Variants in MAP4K5 observed in about 807,000 individuals in gnomAD.
MAP4K5 encodes the protein MAPK/ERK kinase kinase kinase 5.
A neutral mutation model predicts 135.6 loss-of-function variants in MAP4K5; 82 were observed. The observed-to-expected ratio is 0.60, with a 90% CI of 0.51 to 0.73. The LOEUF is 0.73. Ranked by LOEUF, MAP4K5 falls within the 30% of genes least tolerant of loss-of-function variation. MAP4K5 has a pLI of 0.00. For synonymous variants in MAP4K5, 347 were observed against 335.0 expected (o/e 1.04, Z -0.39); for missense variants, 907 against 1,010.9 (o/e 0.90, Z 1.39).
intron 2 of MAP4K5, among the ~76,000 whole-genome samples, chr14:50,518,831 A>G (rs2038088017): frequency 6.6e-6 from 1 of 152,220 alleles, no homozygotes; most frequent in African/African-American, 2.4e-5. Context: ...GGAGGTCTTA[A>G]TGGCAAAGGA....
intron 30 of MAP4K5, among the ~76,000 whole-genome samples, chr14:50,426,747 T>C (rs1451668179): frequency 6.6e-6 from 1 of 152,064 alleles, no homozygotes; most frequent in East Asian, 1.9e-4. Context: ...AAATAAAAAA[T>C]AAAATAAAAT....
rs12881869 is a variant in MAP4K5 at position 50,456,531 on chromosome 14, C to T, written c.1000G>A (p.Ala334Thr). The change falls in exon 14 of 33, where the codon GCT becomes ACT. Residue 334 changes from alanine to threonine, a missense_variant. By Grantham distance (58) the Ala-to-Thr change is moderately conservative. Coordinates refer to ENST00000682126, the MANE Select transcript of MAP4K5 (RefSeq NM_006575.6). ...AAACACATACAATTTATTTCTGAAGCTGTCCGTTCAGCTCTGGCATTCCTG... is the reference window on the plus strand; with the variant it reads ...AAACACATACAATTTATTTCTGAAGTTGTCCGTTCAGCTCTGGCATTCCTG... ...TNRNARAERT[A>T]SEINFDKLQF... is the part of the protein sequence containing the mutation. 0.06 allele frequency: 94,598 copies of T among 1,573,502 alleles called. 3,310 individuals are homozygous for T. The highest frequency in any genetic ancestry group is 0.07 in the Non-Finnish European group (80,488 of 1,157,108).
At position 50,524,692 on chromosome 14, in the gene MAP4K5, T is replaced by C. The variant is rs139395895; in HGVS notation, c.108+7250A>G. On this transcript the variant is annotated intron_variant, in intron 2 of 32. Coordinates refer to ENST00000682126, the MANE Select transcript of MAP4K5 (RefSeq NM_006575.6). ...GAAGAGAAAGAGTGTTCTAAAGGAA[T>C]ACCTGCAAAAATCTGAAAGACAGAG... Among the ~76,000 whole-genome samples the C allele has an allele frequency of 4.1e-4, 62 of 151,552 alleles. 1 individual carries two copies. In the East Asian group the frequency reaches 9.8e-3, roughly 24 times the overall value.
chr14:50,542,507 C>G (rs2038578545), exon 2 of MAP4K5: 1 of 152,106 alleles, frequency 6.6e-6, no homozygotes, highest in Non-Finnish European at 1.5e-5. Context: ...ACCTAATTTA[C>G]TGGATCGTAA....
At chr14:50,461,896 C>A (rs12890895) in intron 13 of MAP4K5, among the ~76,000 whole-genome samples, 2 of 150,214 alleles carry the variant, frequency 1.3e-5, no homozygotes, top group South Asian at 2.1e-4. Context: ...TCCAACCTGG[C>A]GACAGAGCGA....
At chr14:50,453,126 A>G (rs549321144) in intron 14 of MAP4K5, among the ~76,000 whole-genome samples, 3 of 152,218 alleles carry the variant, frequency 2.0e-5, no homozygotes, top group South Asian at 4.1e-4. Flanking sequence ...TTTACTTGTG[A>G]GTCAGCTAAA....
rs370954375 is a variant in MAP4K5 at position 50,440,014 on chromosome 14, T to A, written c.1704A>T (p.Ser568=). Residue 568 remains serine (S), a splice_region_variant and synonymous_variant, in exon 23 of 33, where the codon TCA becomes TCT. Coordinates refer to ENST00000682126, the MANE Select transcript of MAP4K5 (RefSeq NM_006575.6). The part of the protein sequence containing the change: ...YVINNTLMSL[S]EGKTFQLYSH... Reference sequence around the variant, plus strand: ...TATTTTTCATCATCACATACATACCTGATAATGACATTAAAGTATTATTGA... The same window carrying A: ...TATTTTTCATCATCACATACATACCAGATAATGACATTAAAGTATTATTGA... 1.9e-6 allele frequency: 3 copies of A among 1,545,828 alleles called. No individual in the cohort carries two copies. The highest frequency in any genetic ancestry group is 2.6e-6 in the Non-Finnish European group (3 of 1,134,912).
rs1303004453 is a variant in MAP4K5, at chr14:50,423,115, T to C, written c.2453+6A>G. On this transcript the variant is annotated splice_donor_region_variant and intron_variant, in intron 32 of 32. Coordinates refer to ENST00000682126, the MANE Select transcript of MAP4K5 (RefSeq NM_006575.6). ...GGTAATTAAATTAATACAACCAAAC[T>C]ATTACCTGTCTGATCCTAATAAGCG... 1 of 1,482,412 alleles carries C rather than the reference T, an allele frequency of 6.7e-7. No homozygotes were observed. The highest frequency in any genetic ancestry group is 1.8e-5 in the Admixed American group (1 of 56,574). The allele number at this position is 1,482,412 out of a possible 1,614,324, so 91.8% of individuals were successfully genotyped here. A position where few individuals can be genotyped will look rare whatever the true frequency, so the allele number is the denominator to read the frequency against.
chr14:50,440,357 A>T lies in MAP4K5; in HGVS notation c.1644+5T>A. 6.4e-7 allele frequency: 1 copy of T among 1,566,564 alleles called. No homozygotes were observed. Among genetic ancestry groups the T allele is most frequent in the Non-Finnish European group, 8.7e-7 (1 of 1,143,254 alleles). On this transcript the variant is annotated splice_donor_5th_base_variant and intron_variant, in intron 22 of 32. Transcript: ENST00000682126. ...TTAATTTCTTGAATTAAAATGCCTAATTACCTGTTCCATCGTTGCCTCATG... is the reference window on the plus strand; with the variant it reads ...TTAATTTCTTGAATTAAAATGCCTATTTACCTGTTCCATCGTTGCCTCATG...
chr14:50,470,675 C>T (rs2139846951), intron 9 of MAP4K5, among the ~76,000 whole-genome samples: 3 of 151,984 alleles, frequency 2.0e-5, no homozygotes, highest in Middle Eastern at 6.8e-3. Context: ...CACACACACA[C>T]ACACACACAC....
At chr14:50,523,225 C>G (rs2131838) in intron 2 of MAP4K5, among the ~76,000 whole-genome samples, 40,576 of 151,974 alleles carry the variant, frequency 0.27, 6,370 homozygotes, top group South Asian at 0.4. Flanking sequence ...GCAGGAGAAT[C>G]GCTTGAACCT....
At chr14:50,463,159 A>G (rs764747024) in intron 12 of MAP4K5, among the ~76,000 whole-genome samples, 1 of 152,226 alleles carries the variant, frequency 6.6e-6, no homozygotes, top group Non-Finnish European at 1.5e-5. Flanking sequence ...TGTATATCAT[A>G]TATCTGCATA....
chr14:50,478,132 A>G (rs538786826), intron 6 of MAP4K5, among the ~76,000 whole-genome samples: 2 of 152,256 alleles, frequency 1.3e-5, no homozygotes, highest in South Asian at 2.1e-4. Context: ...GGTTATTTAT[A>G]ATTGAGTGAG....
intron 28 of MAP4K5, among the ~76,000 whole-genome samples, chr14:50,429,879 TCTG>T (rs1393581015): frequency 1.3e-5 from 2 of 152,202 alleles, no homozygotes; most frequent in Non-Finnish European, 2.9e-5. Context: ...GCTTCTAACA[TCTG>T]CTGATAGATG....
At chr14:50,491,965 G>A (rs1345990858) in intron 3 of MAP4K5, among the ~76,000 whole-genome samples, 1 of 152,062 alleles carries the variant, frequency 6.6e-6, no homozygotes, top group African/African-American at 2.4e-5. Flanking sequence ...AGGATTACAG[G>A]TGTGAGCCAC....
chr14:50,502,615 G>A (rs547426593), intron 3 of MAP4K5, among the ~76,000 whole-genome samples: 4 of 152,012 alleles, frequency 2.6e-5, no homozygotes, highest in African/African-American at 7.2e-5. Context: ...TGATTTTAAA[G>A]TTCTGAAGAA....
rs766577059 is a variant in MAP4K5 at position 50,468,762 on chromosome 14, G to C, written c.563C>G (p.Ala188Gly). 1.2e-6 allele frequency: 2 copies of C among 1,610,932 alleles called. No homozygotes were observed. Among genetic ancestry groups the C allele is most frequent in the Non-Finnish European group, 1.7e-6 (2 of 1,178,370 alleles). The change falls in exon 10 of 33, where the codon GCA becomes GGA. Residue 188 changes from alanine to glycine, a missense_variant. Around this residue, in one of 3 missense-constraint regions of MAP4K5, gnomAD observed 690 missense variants for 777.4 expected, o/e 0.89. Transcript: ENST00000682126. The part of the protein sequence containing the change: ...TPYWMAPEVA[A>G]VEKNGGYNQL... ...GTTGTAGCCACCATTCTTCTCTACT[G>C]CTGCAACTTCTGGGGCCATCCTAGA...
At chr14:50,552,910 A>G (rs897618640) in intron 1 of MAP4K5, among the ~76,000 whole-genome samples, 3 of 152,236 alleles carry the variant, frequency 2.0e-5, no homozygotes, top group African/African-American at 7.2e-5. Flanking sequence ...CAAAGATTCT[A>G]GAAGATAACA....
At chr14:50,445,602 C>T (rs1354087473) in intron 17 of MAP4K5, among the ~76,000 whole-genome samples, 2 of 152,144 alleles carry the variant, frequency 1.3e-5, no homozygotes, top group African/African-American at 4.8e-5. Flanking sequence ...TGGAGTCTCG[C>T]TCTGTCACCC....
Sources: gnomAD v4.1 joint callset for allele counts (sites outside exome capture counted in the v4.1 genomes callset) on GRCh38, gnomAD v4.1.1 for gene constraint, gnomAD v4.1.1 regional missense constraint, MANE v1.5 for transcripts, NCBI Gene and HGNC (gene_info 2026-07-23, HGNC 2026-07-21) for gene names.